Variants in IL1RAPL2 observed in about 807,000 individuals in gnomAD.
IL1RAPL2 encodes interleukin 1 receptor accessory protein like 2, also known as X-linked interleukin-1 receptor accessory protein-like 2.
A neutral mutation model predicts 44.1 loss-of-function variants in IL1RAPL2; 3 were observed. The observed-to-expected ratio is 0.07, with a 90% CI of 0.03 to 0.18. The LOEUF (loss-of-function observed/expected upper bound fraction) is 0.18, where lower values mean the gene tolerates loss of function less well. Among genes scored for constraint, IL1RAPL2 ranks in the 10% least tolerant of loss-of-function variants. IL1RAPL2 has a pLI of 1.00. For synonymous variants in IL1RAPL2, 181 were observed against 178.8 expected (o/e 1.01, Z -0.10); for missense variants, 391 against 496.4 (o/e 0.79, Z 2.02).
intron 2 of IL1RAPL2, among the ~76,000 whole-genome samples, chrX:104,989,055 C>G (rs2030612825): frequency 1.8e-5 from 2 of 111,564 alleles, no homozygotes; most frequent in Non-Finnish European, 3.8e-5. Flanking sequence ...TGTATATCCT[C>G]CCCCAGAAAA....
intron 2 of IL1RAPL2, among the ~76,000 whole-genome samples, chrX:104,816,405 AC>A (rs774138077): frequency 9.8e-5 from 11 of 112,182 alleles, no homozygotes; most frequent in Non-Finnish European, 1.7e-4. Flanking sequence ...CAATAATTGT[AC>A]ATAGAGGAAG....
At chrX:104,717,848 A>G (rs1332265735) in intron 2 of IL1RAPL2, among the ~76,000 whole-genome samples, 2 of 108,207 alleles carry the variant, frequency 1.8e-5, no homozygotes, top group Non-Finnish European at 3.8e-5. Flanking sequence ...GAGTGAGAAC[A>G]TGTGGTGTTT....
chrX:105,160,561 C>G (rs1205997764), intron 2 of IL1RAPL2, among the ~76,000 whole-genome samples: 1 of 110,659 alleles, frequency 9.0e-6, no homozygotes, highest in Non-Finnish European at 1.9e-5. Context: ...AAAAGTTTCT[C>G]TGGAAAAAAA....
chrX:105,244,990 T>G lies in IL1RAPL2; in HGVS notation c.543+10986T>G, dbSNP rs369258848. 1.8e-3 allele frequency among the ~76,000 whole-genome samples: 200 copies of G among 111,765 alleles called. 1 individual carries two copies. Among genetic ancestry groups the G allele is most frequent in the African/African-American group, 5.9e-3 (181 of 30,804 alleles). The stretch of plus-strand genomic sequence containing the variant: ...CCACATTTGATTGGTCAAAACCCAG[T>G]GATTGGCACAAGAGTATGCTATGGC... On this transcript the variant is annotated intron_variant, in intron 4 of 10. Coordinates refer to ENST00000372582, the MANE Select transcript of IL1RAPL2 (RefSeq NM_017416.2).
chrX:104,817,781 A>G (rs1318333157), intron 2 of IL1RAPL2, among the ~76,000 whole-genome samples: 1 of 111,963 alleles, frequency 8.9e-6, no homozygotes, highest in Non-Finnish European at 1.9e-5. Flanking sequence ...TAATAAGCAC[A>G]GTGTCTGACA....
chrX:105,373,744 G>A (rs2035362796), intron 5 of IL1RAPL2, among the ~76,000 whole-genome samples: 1 of 110,815 alleles, frequency 9.0e-6, no homozygotes, highest in South Asian at 3.8e-4. Context: ...ATGGCTTGCC[G>A]GTTATCCCAG....
chrX:105,464,270 A>G (rs1348546568), intron 5 of IL1RAPL2, among the ~76,000 whole-genome samples: 5 of 112,174 alleles, frequency 4.5e-5, no homozygotes, highest in African/African-American at 1.6e-4. Context: ...TCTTATAACA[A>G]CACTATAAGA....
intron 5 of IL1RAPL2, among the ~76,000 whole-genome samples, chrX:105,288,749 G>T (rs1446916416): frequency 1.8e-5 from 2 of 110,325 alleles, no homozygotes; most frequent in African/African-American, 6.6e-5. Context: ...CCACCTATCT[G>T]CTTTTTGACA....
At chrX:105,766,744 CA>C (rs1380930273) in intron 10 of IL1RAPL2, among the ~76,000 whole-genome samples, 3 of 107,816 alleles carry the variant, frequency 2.8e-5, no homozygotes, top group Non-Finnish European at 5.7e-5. Context: ...TTATGTTAGC[CA>C]ACAAAACACT....
At chrX:105,218,880 G>GCCCCCC in intron 3 of IL1RAPL2, 4 of 844,934 alleles carry the variant, frequency 4.7e-6, no homozygotes, top group East Asian at 3.2e-5. Context: ...TACCACCCCG[G>GCCCCCC]CCCCCGCCAC....
intron 2 of IL1RAPL2, among the ~76,000 whole-genome samples, chrX:105,041,340 A>G (rs2031732045): frequency 9.0e-6 from 1 of 111,168 alleles, no homozygotes; most frequent in African/African-American, 3.3e-5. Flanking sequence ...TGGTGCTGAA[A>G]ATAATGTATA....
At chrX:105,112,134 C>T (rs766588292) in intron 2 of IL1RAPL2, among the ~76,000 whole-genome samples, 1 of 111,638 alleles carries the variant, frequency 9.0e-6, no homozygotes, top group East Asian at 2.8e-4. Context: ...GGGAGAACAC[C>T]CTTTTCTGAA....
chrX:105,681,794 A>G (rs755882448), intron 6 of IL1RAPL2, among the ~76,000 whole-genome samples: 1 of 111,962 alleles, frequency 8.9e-6, no homozygotes, highest in East Asian at 2.8e-4. Flanking sequence ...TCAGTCTTAT[A>G]TAATTATTCT....
intron 2 of IL1RAPL2, among the ~76,000 whole-genome samples, chrX:104,779,182 T>G (rs1000135506): frequency 8.9e-6 from 1 of 112,341 alleles, no homozygotes; most frequent in Non-Finnish European, 1.9e-5. Flanking sequence ...ATATAATAGA[T>G]AGAAATGTGT....
At chrX:104,636,809 G>A (rs989856334) in intron 1 of IL1RAPL2, among the ~76,000 whole-genome samples, 14 of 111,950 alleles carry the variant, frequency 1.3e-4, no homozygotes, top group African/African-American at 3.2e-4. Context: ...GCGATGCCTC[G>A]CCCTGCTTTG....
At chrX:105,418,044 A>G (rs1455297670) in intron 5 of IL1RAPL2, among the ~76,000 whole-genome samples, 2 of 111,671 alleles carry the variant, frequency 1.8e-5, no homozygotes, top group East Asian at 2.8e-4. Context: ...GCCCACTTAC[A>G]GCATTTTTCA....
chrX:105,096,940 A>G (rs1168144573), intron 2 of IL1RAPL2, among the ~76,000 whole-genome samples: 1 of 111,549 alleles, frequency 9.0e-6, no homozygotes, highest in Non-Finnish European at 1.9e-5. Flanking sequence ...AATACGGACA[A>G]TACAAAAATC....
chrX:105,507,684 C>T (rs965601902), intron 6 of IL1RAPL2, among the ~76,000 whole-genome samples: 1 of 111,516 alleles, frequency 9.0e-6, no homozygotes, highest in African/African-American at 3.3e-5. Context: ...GAAACTTTCT[C>T]AGGGATCTCA....
chrX:104,585,805 T>C (rs759920253), intron 1 of IL1RAPL2, among the ~76,000 whole-genome samples: 1 of 111,107 alleles, frequency 9.0e-6, no homozygotes, highest in East Asian at 2.9e-4. Context: ...TAGTATTCCA[T>C]GGTGTATATG....
Sources: allele counts gnomAD v4.1 joint callset (sites outside exome capture counted in the v4.1 genomes callset), GRCh38; gene constraint gnomAD v4.1.1; transcripts MANE v1.5; gene names NCBI Gene and HGNC (gene_info 2026-07-23, HGNC 2026-07-21).